SULT6B1: variants seen among roughly 807,000 people sequenced by gnomAD.
The protein encoded by SULT6B1 is sulfotransferase 6B1.
A neutral mutation model predicts 37.2 loss-of-function variants in SULT6B1; 44 were observed. That is an observed-to-expected ratio of 1.18 (90% CI 0.93 to 1.52). The LOEUF is 1.52. Ranked by LOEUF, SULT6B1 falls within the 40% of genes most tolerant of loss-of-function variation. The probability of loss-of-function intolerance (pLI) is 0.00; values close to 1 mark genes in which losing one functional copy is unlikely to be tolerated. For synonymous variants in SULT6B1, 140 were observed against 126.0 expected (o/e 1.11, Z -0.74); for missense variants, 450 against 361.0 (o/e 1.25, Z -2.00).
chr2:37,168,202 T>A (rs1676221002), intron 6 of SULT6B1, 137 bp from the exon 7 acceptor site: 1 of 863,370 alleles, frequency 1.2e-6, no homozygotes, highest in Non-Finnish European at 1.6e-6. Flanking sequence ...TTTATTTAGT[T>A]TTTTTCAGAC....
chr2:37,183,523 T>G lies in SULT6B1; in HGVS notation c.313-9A>C, dbSNP rs188249806. On this transcript the variant is annotated splice_polypyrimidine_tract_variant and intron_variant, in intron 2 of 6. Transcript: ENST00000535679. ...GGAAAGCCTTTCATTCTCTTAAAAA[T>G]ATACACAAAAAGGTGAAAATGTGCA... 3 of 1,609,296 alleles carry G rather than the reference T, an allele frequency of 1.9e-6. No individual in the cohort carries two copies. The African/African-American group carries it at 4.0e-5, about 22-fold the overall frequency.
intron 4 of SULT6B1, among the ~76,000 whole-genome samples, chr2:37,176,275 T>TC (rs1676425822): frequency 6.7e-6 from 1 of 149,120 alleles, no homozygotes; most frequent in Non-Finnish European, 1.5e-5. Context: ...TTTTTTTTTT[T>TC]TTTTTGAGAT....
intron 6 of SULT6B1, among the ~76,000 whole-genome samples, chr2:37,168,600 C>A (rs1407019215): frequency 2.0e-5 from 3 of 152,152 alleles, no homozygotes; most frequent in African/African-American, 7.2e-5. Flanking sequence ...ATACCCTAAC[C>A]CTATTCCTCT....
rs755994310 is a variant in SULT6B1, at chr2:37,175,245, A to C, written c.530-19T>G. On this transcript the variant is annotated intron_variant, in intron 4 of 6. Transcript: ENST00000535679. ...CAAGAAACTAAAAACACAGGGGGGA[A>C]GACTTTAAGAAATGTCAAATAACTG... 2 of 1,439,730 alleles carry C rather than the reference A, an allele frequency of 1.4e-6. No homozygotes were observed. The highest frequency in any genetic ancestry group is 2.5e-5 in the South Asian group (2 of 78,484). The allele number at this position is 1,439,730 out of a possible 1,614,324, so 89.2% of individuals were successfully genotyped here. A position where few individuals can be genotyped will look rare whatever the true frequency, so the allele number is the denominator to read the frequency against.
rs1224419727 is a variant in SULT6B1 at position 37,187,452 on chromosome 2, A to G, written c.215T>C (p.Leu72Pro). The G allele has an allele frequency of 6.3e-7, 1 of 1,598,060 alleles. No individual in the cohort carries two copies. Among genetic ancestry groups the G allele is most frequent in the Admixed American group, 1.7e-5 (1 of 59,520 alleles). Residue 72 changes from leucine (L) to proline (P), a missense_variant, in exon 2 of 7, where the codon CTC becomes CCC. Coordinates refer to ENST00000535679, the MANE Select transcript of SULT6B1 (RefSeq NM_001367551.1). ...SYPKCGSNWI[L>P]HIVSELIYAV... is the part of the protein sequence containing the mutation. ...ATATATTAATTCACTGACAATGTGG[A>G]GAATCCAGTTTGAACCTATCAGAAA... is the stretch of plus-strand genomic sequence containing the variant.
upstream of SULT6B1, among the ~76,000 whole-genome samples, chr2:37,193,652 G>GAAGA (rs1420064697): frequency 1.9e-4 from 9 of 46,730 alleles, no homozygotes; most frequent in African/African-American, 3.2e-4. Flanking sequence ...GAAGAAGAAG[G>GAAGA]AGAAGAAGGA....
At chr2:37,177,247 AG>A (rs1676449914) in intron 4 of SULT6B1, among the ~76,000 whole-genome samples, 1 of 151,848 alleles carries the variant, frequency 6.6e-6, no homozygotes, top group South Asian at 2.1e-4. Context: ...CAATATAGTG[AG>A]GCCCCATCTC....
upstream of SULT6B1, chr2:37,189,982 A>G (rs1471394182): frequency 6.6e-6 from 1 of 152,252 alleles, no homozygotes; most frequent in Non-Finnish European, 1.5e-5. Flanking sequence ...AAGCCAGCTT[A>G]CTGGATGGCC....
chr2:37,179,636 G>C (rs1676507607), intron 3 of SULT6B1, 52 bp from the exon 4 acceptor site: 2 of 1,555,380 alleles, frequency 1.3e-6, no homozygotes, highest in Non-Finnish European at 1.8e-6. Context: ...TTGAAATTTG[G>C]AAAATTAAAA....
chr2:37,193,565 CAAA>C (rs1171019443), upstream of SULT6B1, among the ~76,000 whole-genome samples: 25 of 56,534 alleles, frequency 4.4e-4, no homozygotes, highest in East Asian at 6.8e-3. Flanking sequence ...AGACATTTAC[CAAA>C]AAAAAAAGAA....
At chr2:37,184,747 A>G (rs1385485705) in intron 2 of SULT6B1, among the ~76,000 whole-genome samples, 1 of 152,024 alleles carries the variant, frequency 6.6e-6, no homozygotes, top group Non-Finnish European at 1.5e-5. Context: ...CAGGAGAATC[A>G]CTTGAACCCG....
intron 3 of SULT6B1, among the ~76,000 whole-genome samples, chr2:37,180,030 A>G (rs1297663602): frequency 6.6e-6 from 1 of 152,240 alleles, no homozygotes; most frequent in African/African-American, 2.4e-5. Context: ...GGGTGAGTAC[A>G]TGACACAGAA....
At position 37,171,617 on chromosome 2, in the gene SULT6B1, A is replaced by AT. The variant is rs1676305441; in HGVS notation, c.625-28dup. The AT allele has an allele frequency of 3.7e-6, 6 of 1,604,956 alleles. No homozygotes were observed. The East Asian group carries it at 1.3e-4, about 36-fold the overall frequency. On this transcript the variant is annotated intron_variant, in intron 5 of 6. Transcript: ENST00000535679. ...TGTAAAAAAATTTTCTTAAAGATAA[A>AT]TTTCTTCCTATGGAAATTGTTCTCT...
Position 37,171,468 on chromosome 2 carries a change from T to G in SULT6B1, c.747A>C (p.Thr249=). ...FQAMRAKSQD[T]HGAVGPFLFR... ...AAAGGAATGGGCCGACAGCACCGTG[T>G]GTGTCCTGAGACTTCGCACGCATGG... is the stretch of plus-strand genomic sequence containing the variant. Residue 249 remains threonine (T), a synonymous_variant, in exon 6 of 7, where the codon ACA becomes ACC. Coordinates refer to ENST00000535679, the MANE Select transcript of SULT6B1 (RefSeq NM_001367551.1). The G allele has an allele frequency of 3.1e-6, 5 of 1,614,168 alleles. No homozygotes were observed. The highest frequency in any genetic ancestry group is 4.2e-6 in the Non-Finnish European group (5 of 1,180,014).
intron 5 of SULT6B1, among the ~76,000 whole-genome samples, chr2:37,174,119 T>A (rs1434957420): frequency 6.6e-6 from 1 of 152,058 alleles, no homozygotes; most frequent in East Asian, 1.9e-4. Flanking sequence ...TGATTCCCTC[T>A]GCCAGAAATG....
At chr2:37,179,389 A>C in intron 4 of SULT6B1, 69 bp downstream of exon 4, 3 of 1,584,936 alleles carry the variant, frequency 1.9e-6, no homozygotes, top group Non-Finnish European at 2.6e-6. Flanking sequence ...ACCCTAAAAC[A>C]CATTTGGGTT....
intron 2 of SULT6B1, among the ~76,000 whole-genome samples, chr2:37,185,452 C>T (rs1384243553): frequency 6.6e-6 from 1 of 152,100 alleles, no homozygotes; most frequent in Non-Finnish European, 1.5e-5. Context: ...CGTGGTGGCT[C>T]ATGCCTGTAA....
intron 6 of SULT6B1, 136 bp from the exon 7 acceptor site, chr2:37,168,201 T>C: frequency 1.2e-6 from 1 of 866,658 alleles, no homozygotes; most frequent in East Asian, 3.6e-5. Context: ...CTTTATTTAG[T>C]TTTTTTCAGA....
At chr2:37,173,892 A>C (rs572649161) in intron 5 of SULT6B1, among the ~76,000 whole-genome samples, 2 of 152,128 alleles carry the variant, frequency 1.3e-5, no homozygotes, top group Non-Finnish European at 2.9e-5. Flanking sequence ...AGCCAGAATG[A>C]TCTTGTTAAA....
Sources: allele counts gnomAD v4.1 joint callset (sites outside exome capture counted in the v4.1 genomes callset), GRCh38; gene constraint gnomAD v4.1.1; transcripts MANE v1.5; gene names NCBI Gene and HGNC (gene_info 2026-07-23, HGNC 2026-07-21).